Variants in EFL1 observed in about 807,000 individuals in gnomAD.
The protein encoded by EFL1 is elongation factor-like GTPase 1.
In EFL1, 76 loss-of-function variants were observed where a neutral mutation model predicts 126.7. The observed-to-expected ratio is 0.60, with a 90% CI of 0.50 to 0.73. The LOEUF is 0.73. EFL1 is among the 30% of genes least tolerant of loss of function. The probability of loss-of-function intolerance (pLI) is 0.00; values close to 1 mark genes in which losing one functional copy is unlikely to be tolerated. For synonymous variants in EFL1, 410 were observed against 448.4 expected, an observed-to-expected ratio of 0.91 and a Z score of 1.08; for missense variants, 1,128 against 1,343.2, an observed-to-expected ratio of 0.84 and a Z score of 2.50.
chr15:82,167,734 G>C (rs28729156), intron 15 of EFL1, among the ~76,000 whole-genome samples: 2 of 152,124 alleles, frequency 1.3e-5, no homozygotes, highest in Admixed American at 1.3e-4. Flanking sequence ...ATAGGGAACA[G>C]AATTACCATC....
intron 15 of EFL1, among the ~76,000 whole-genome samples, chr15:82,209,988 G>C (rs944391701): frequency 6.6e-6 from 1 of 152,164 alleles, no homozygotes; most frequent in Non-Finnish European, 1.5e-5. Context: ...TATCATTTAT[G>C]ATGAAAAGCA....
chr15:82,193,973 ACT>A (rs1221885531), intron 15 of EFL1, among the ~76,000 whole-genome samples: 1 of 151,876 alleles, frequency 6.6e-6, no homozygotes, highest in Non-Finnish European at 1.5e-5. Flanking sequence ...GAACCAGGCT[ACT>A]CTCTGTCTGT....
At chr15:82,255,296 A>G (rs1567081305) in intron 3 of EFL1, among the ~76,000 whole-genome samples, 1 of 152,202 alleles carries the variant, frequency 6.6e-6, no homozygotes, top group Non-Finnish European at 1.5e-5. Flanking sequence ...GCCATTTAAC[A>G]TTCCTTTTCT....
rs372431066 is a variant in EFL1 at position 82,240,494 on chromosome 15, T to A, written c.440A>T (p.Lys147Met). 2 of 1,613,864 alleles carry A rather than the reference T, an allele frequency of 1.2e-6. No individual in the cohort carries two copies. Among genetic ancestry groups the A allele is most frequent in the African/African-American group, 2.7e-5 (2 of 74,922 alleles). ...CAGTTCCACTATCAAGCGATCAATC[T>A]TATTAATCACTAAAACCGGACGGAT... ...ENIRPVLVIN[K>M]IDRLIVELKF... The change falls in exon 6 of 20, where the codon AAG becomes ATG. Residue 147 changes from lysine (K) to methionine (M), a missense_variant. Physicochemically the swap from Lys to Met is moderately conservative, Grantham distance 95. Transcript: ENST00000268206.
intron 7 of EFL1, among the ~76,000 whole-genome samples, chr15:82,231,862 T>C (rs2141317157): frequency 6.6e-6 from 1 of 152,336 alleles, no homozygotes; most frequent in African/African-American, 2.4e-5. Context: ...GTAGAGTTCC[T>C]ATGCCTCAAA....
intron 1 of EFL1, chr15:82,262,348 T>C (rs1474241774): frequency 6.5e-6 from 1 of 153,812 alleles, no homozygotes; most frequent in Admixed American, 6.5e-5. Context: ...TTCATTCCTT[T>C]CTAAATAAAA....
chr15:82,151,891 C>A lies in EFL1; in HGVS notation c.2563G>T (p.Ala855Ser). 1 of 1,614,110 alleles carries A rather than the reference C, an allele frequency of 6.2e-7. No homozygotes were observed. The highest frequency in any genetic ancestry group is 1.6e-4 in the Middle Eastern group (1 of 6,062). ...NSVWTGPADK[A>S]SKEASRYRDL... ...CGGTATCTACTGGCTTCTTTTGAAG[C>A]TTTGTCAGCTGGACCTGTCCATACT... is the stretch of plus-strand genomic sequence containing the variant. Residue 855 changes from alanine to serine, a missense_variant, in exon 18 of 20, where the codon GCT (alanine) becomes TCT (serine). Transcript: ENST00000268206.
chr15:82,132,821 G>A (rs1256904085), intron 19 of EFL1, among the ~76,000 whole-genome samples: 1 of 152,118 alleles, frequency 6.6e-6, no homozygotes, highest in Non-Finnish European at 1.5e-5. Flanking sequence ...TTCTGGGTCA[G>A]AGGGTTTGTG....
At chr15:82,173,270 T>TG (rs2141251685) in intron 15 of EFL1, among the ~76,000 whole-genome samples, 1 of 152,290 alleles carries the variant, frequency 6.6e-6, no homozygotes, top group South Asian at 2.1e-4. Context: ...GATACTATTA[T>TG]GCAAAGTTTA....
At chr15:82,193,235 T>C (rs117964351) in intron 15 of EFL1, among the ~76,000 whole-genome samples, 2,303 of 152,310 alleles carry the variant, frequency 0.015, 24 homozygotes, top group East Asian at 0.024. Context: ...AACTTAATGA[T>C]CAAATATACT....
intron 15 of EFL1, among the ~76,000 whole-genome samples, chr15:82,172,947 T>A (rs1240230909): frequency 6.6e-6 from 1 of 152,238 alleles, no homozygotes; most frequent in Non-Finnish European, 1.5e-5. Context: ...GATTATTTTA[T>A]CTTTGAATTT....
At chr15:82,139,545 C>A (rs2073762205) in intron 18 of EFL1, among the ~76,000 whole-genome samples, 1 of 152,146 alleles carries the variant, frequency 6.6e-6, no homozygotes. Flanking sequence ...GAAACATCTT[C>A]CCCTCTGACT....
At chr15:82,146,780 A>C (rs1189446754) in intron 18 of EFL1, among the ~76,000 whole-genome samples, 1 of 152,110 alleles carries the variant, frequency 6.6e-6, no homozygotes, top group African/African-American at 2.4e-5. Flanking sequence ...AGGGTAAATA[A>C]ATGGGGCTTC....
intron 15 of EFL1, among the ~76,000 whole-genome samples, chr15:82,171,313 C>T (rs1595958006): frequency 6.6e-6 from 1 of 152,106 alleles, no homozygotes; most frequent in Admixed American, 6.5e-5. Context: ...GAGCAAGTGG[C>T]ACAACCTCAG....
intron 3 of EFL1, among the ~76,000 whole-genome samples, chr15:82,256,386 C>T (rs1483504459): frequency 2.0e-5 from 3 of 152,204 alleles, no homozygotes; most frequent in Non-Finnish European, 4.4e-5. Flanking sequence ...CTGAAACCTG[C>T]CAAATTGTTA....
Position 82,173,135 on chromosome 15 carries a change from C to T in EFL1, c.1751-9151G>A, listed in dbSNP as rs188881935. Among the ~76,000 whole-genome samples the T allele has an allele frequency of 4.9e-3, 746 of 151,976 alleles. 13 individuals carry two copies. The highest frequency in any genetic ancestry group is 4.5e-3 in the Non-Finnish European group (308 of 67,934). On this transcript the variant is annotated intron_variant, in intron 15 of 19. Transcript: ENST00000268206. ...AAAAATCGAAAGCACCCTTCAATAT[C>T]CACCAACAGGAGATTGAAAAAATAA...
chr15:82,163,593 C>G (rs1034024875), intron 16 of EFL1, among the ~76,000 whole-genome samples: 3 of 152,066 alleles, frequency 2.0e-5, no homozygotes, highest in Admixed American at 1.3e-4. Context: ...AATCCTATGC[C>G]AGGGTTGTGG....
intron 4 of EFL1, among the ~76,000 whole-genome samples, chr15:82,250,659 TACAA>T (rs1252590602): frequency 6.6e-6 from 1 of 151,908 alleles, no homozygotes; most frequent in South Asian, 2.1e-4. Flanking sequence ...ATAGTGGAAA[TACAA>T]ACAGACACCC....
intron 18 of EFL1, among the ~76,000 whole-genome samples, chr15:82,139,105 A>C (rs1043370062): frequency 2.0e-5 from 3 of 152,360 alleles, no homozygotes; most frequent in African/African-American, 7.2e-5. Context: ...AAACAGCATG[A>C]GAAGAAGATT....
Sources: allele counts gnomAD v4.1 joint callset (sites outside exome capture counted in the v4.1 genomes callset), GRCh38; gene constraint gnomAD v4.1.1; transcripts MANE v1.5; gene names NCBI Gene and HGNC (gene_info 2026-07-23, HGNC 2026-07-21).